Variants in SEC14L1 observed in about 807,000 individuals in gnomAD.
SEC14L1 encodes the protein SEC14 like lipid binding 1.
A neutral mutation model predicts 85.3 loss-of-function variants in SEC14L1; 48 were observed. The observed-to-expected ratio is 0.56, with a 90% confidence interval of 0.45 to 0.72. The LOEUF (loss-of-function observed/expected upper bound fraction) is 0.72, where lower values mean the gene tolerates loss of function less well. Among genes scored for constraint, SEC14L1 ranks in the 30% least tolerant of loss-of-function variants. The probability of loss-of-function intolerance (pLI) is 0.00; values close to 1 mark genes in which losing one functional copy is unlikely to be tolerated. For synonymous variants in SEC14L1, 391 were observed against 355.5 expected (o/e 1.10, Z -1.12); for missense variants, 682 against 921.4 (o/e 0.74, Z 3.36).
chr17:77,205,162 T>C, intron 10 of SEC14L1, 114 bp from the exon 11 acceptor site: 4 of 863,920 alleles, frequency 4.6e-6, no homozygotes, highest in East Asian at 4.9e-5. Context: ...AGGTGACTTT[T>C]TTGATTTACA....
Position 77,143,660 on chromosome 17 carries a change from G to C in SEC14L1, c.63+1G>C. On this transcript the variant is annotated splice_donor_variant, in intron 3 of 16. Coordinates refer to ENST00000436233, the MANE Select transcript of SEC14L1 (RefSeq NM_001143998.2). LOFTEE classifies it high-confidence loss of function. The stretch of plus-strand genomic sequence containing the variant: ...ATACCCCTTTGAATTAATTATGGCT[G>C]TAAGTACTTGACATTTCAATTTACT... The C allele has an allele frequency of 1.2e-6, 2 of 1,600,644 alleles. No individual in the cohort carries two copies. The highest frequency in any genetic ancestry group is 1.7e-6 in the Non-Finnish European group (2 of 1,168,150).
intron 3 of SEC14L1, among the ~76,000 whole-genome samples, chr17:77,176,672 C>T (rs1464016437): frequency 6.6e-6 from 1 of 152,144 alleles, no homozygotes; most frequent in Non-Finnish European, 1.5e-5. Context: ...CTGCATCCTC[C>T]ACCTCCCAGG....
intron 3 of SEC14L1, among the ~76,000 whole-genome samples, chr17:77,179,365 C>A (rs139902314): frequency 1.4e-4 from 22 of 152,318 alleles, no homozygotes; most frequent in Non-Finnish European, 2.8e-4. Context: ...ATGTGAGCAA[C>A]ATGTTTACTG....
At chr17:77,204,365 C>T (rs1976349903) in intron 10 of SEC14L1, among the ~76,000 whole-genome samples, 1 of 151,614 alleles carries the variant, frequency 6.6e-6, no homozygotes, top group Non-Finnish European at 1.5e-5. Flanking sequence ...TTTCAGGCAC[C>T]CGCCACCATG....
At chr17:77,114,983 C>CT (rs1972139265) in intron 3 of SEC14L1, among the ~76,000 whole-genome samples, 1 of 152,112 alleles carries the variant, frequency 6.6e-6, no homozygotes, top group Non-Finnish European at 1.5e-5. Flanking sequence ...CTTGTTTTGC[C>CT]TTTAGTCATT....
chr17:77,111,956 C>A (rs888747129), intron 3 of SEC14L1, among the ~76,000 whole-genome samples: 1 of 152,092 alleles, frequency 6.6e-6, no homozygotes, highest in Non-Finnish European at 1.5e-5. Flanking sequence ...ACAGTTTGTC[C>A]GTGTCCCCCA....
chr17:77,184,557 G>GC (rs34261906), intron 3 of SEC14L1, among the ~76,000 whole-genome samples: 6 of 152,084 alleles, frequency 3.9e-5, no homozygotes, highest in African/African-American at 1.4e-4. Flanking sequence ...GGTGAGTGGA[G>GC]CCCCTTCAGG....
intron 2 of SEC14L1, chr17:77,089,842 C>T (rs1253640590): frequency 5.8e-6 from 1 of 171,780 alleles, no homozygotes; most frequent in Non-Finnish European, 1.3e-5. Flanking sequence ...ATGATGAAAC[C>T]CCATTTCTAC....
intron 3 of SEC14L1, among the ~76,000 whole-genome samples, chr17:77,167,427 G>A (rs926538112): frequency 6.6e-5 from 10 of 152,076 alleles, no homozygotes; most frequent in Admixed American, 2.0e-4. Context: ...GAGCCACTGC[G>A]CCTGGCCAGT....
chr17:77,209,410 A>C lies in SEC14L1; in HGVS notation c.1545A>C (p.Glu515Asp), dbSNP rs745772340. The C allele has an allele frequency of 1.2e-6, 2 of 1,614,208 alleles. No individual in the cohort carries two copies. Among genetic ancestry groups the C allele is most frequent in the South Asian group, 2.2e-5 (2 of 91,080 alleles). The change falls in exon 14 of 17, where the codon GAA becomes GAC. Residue 515 changes from glutamate (E) to aspartate (D), a missense_variant. This residue lies in a region of SEC14L1 where 420 missense variants were observed against 619.5 expected (regional missense o/e 0.68). Coordinates refer to ENST00000436233, the MANE Select transcript of SEC14L1 (RefSeq NM_001143998.2). Reference sequence around the variant, plus strand: ...GGACTGCAGAGGAGCTGGAGAACGAAGACCTGAAGCTCTGGACTGAGACCA... The same window carrying C: ...GGACTGCAGAGGAGCTGGAGAACGACGACCTGAAGCTCTGGACTGAGACCA... ...LYRTAEELEN[E>D]DLKLWTETIY...
chr17:77,110,568 A>G (rs1240277222), intron 3 of SEC14L1, among the ~76,000 whole-genome samples: 1 of 152,174 alleles, frequency 6.6e-6, no homozygotes, highest in Non-Finnish European at 1.5e-5. Context: ...TGAGACATCA[A>G]TCAAATACAT....
intron 3 of SEC14L1, among the ~76,000 whole-genome samples, chr17:77,190,231 T>G (rs547081107): frequency 6.6e-6 from 1 of 152,374 alleles, no homozygotes; most frequent in South Asian, 2.1e-4. Flanking sequence ...TGGCGTGCTT[T>G]CTTTCCCTCA....
chr17:77,113,218 T>C (rs2053568), intron 3 of SEC14L1, among the ~76,000 whole-genome samples: 28,573 of 152,132 alleles, frequency 0.19, 4,061 homozygotes, highest in African/African-American at 0.4. Flanking sequence ...TTTTACAATA[T>C]GTGAAACGAA....
chr17:77,109,528 A>G (rs1044689628), intron 3 of SEC14L1, among the ~76,000 whole-genome samples: 2 of 152,224 alleles, frequency 1.3e-5, no homozygotes, highest in Admixed American at 6.5e-5. Context: ...GGGAAGTCAG[A>G]TAACAACTCA....
At chr17:77,150,940 C>G (rs748422373) in intron 3 of SEC14L1, among the ~76,000 whole-genome samples, 1 of 152,226 alleles carries the variant, frequency 6.6e-6, no homozygotes, top group Non-Finnish European at 1.5e-5. Flanking sequence ...GTCCATCGTT[C>G]ATCTTCTCAG....
chr17:77,213,983 C>G lies in SEC14L1; in HGVS notation c.2108C>G (p.Ser703Cys), dbSNP rs755448456. The G allele has an allele frequency of 6.2e-7, 1 of 1,613,440 alleles. No individual in the cohort carries two copies. Among genetic ancestry groups the G allele is most frequent in the Non-Finnish European group, 8.5e-7 (1 of 1,179,984 alleles). Reference protein sequence around the residue: ...GFSQLSAATTSSSQSHSSSMI... With the variant: ...GFSQLSAATTCSSQSHSSSMI... ...TCCCAGCTGAGTGCCGCCACCACCT[C>G]CTCCAGCCAGTCCCACTCCAGCTCC... Residue 703 changes from serine (S) to cysteine (C), a missense_variant, in exon 17 of 17, where the codon TCC becomes TGC. Coordinates refer to ENST00000436233, the MANE Select transcript of SEC14L1 (RefSeq NM_001143998.2). This position sits in a 1 kb window ranked among gnomAD's most constrained non-coding sequence, Gnocchi z 7.1.
intron 3 of SEC14L1, among the ~76,000 whole-genome samples, chr17:77,165,873 A>G (rs571431217): frequency 7.2e-5 from 11 of 152,298 alleles, no homozygotes; most frequent in African/African-American, 2.4e-4. Context: ...TGGTGAACAC[A>G]TGGATTTTAT....
chr17:77,110,489 C>T (rs1176736522), intron 3 of SEC14L1, among the ~76,000 whole-genome samples: 1 of 152,166 alleles, frequency 6.6e-6, no homozygotes, highest in Non-Finnish European at 1.5e-5. Context: ...ACACAGCCCT[C>T]AGGAGGTCCT....
At chr17:77,089,560 A>G in intron 2 of SEC14L1, 1 of 472,294 alleles carries the variant, frequency 2.1e-6, no homozygotes, top group Admixed American at 2.4e-5. Flanking sequence ...CTTCATAAAC[A>G]ATGTTACTGT....
Sources: gnomAD v4.1 joint callset for allele counts (sites outside exome capture counted in the v4.1 genomes callset) on GRCh38, gnomAD v4.1.1 for gene constraint, gnomAD v4.1.1 regional missense constraint, Gnocchi (gnomAD v3.1) non-coding constraint, MANE v1.5 for transcripts, NCBI Gene and HGNC (gene_info 2026-07-23, HGNC 2026-07-21) for gene names.